Variants in SPIRE1 observed in about 807,000 individuals in gnomAD.
SPIRE1 encodes the protein spire type actin nucleation factor 1.
In SPIRE1, 40 loss-of-function variants were observed where a neutral mutation model predicts 94.1. That is an observed-to-expected ratio of 0.43 (90% CI 0.33 to 0.55). The LOEUF (loss-of-function observed/expected upper bound fraction) is 0.55, where lower values mean the gene tolerates loss of function less well. SPIRE1 is among the 20% of genes least tolerant of loss of function. SPIRE1 has a pLI of 0.06. For missense variants in SPIRE1, 838 were observed against 975.2 expected (o/e 0.86, Z 1.87); for synonymous variants, 376 against 371.7 (o/e 1.01, Z -0.13).
intron 1 of SPIRE1, among the ~76,000 whole-genome samples, chr18:12,648,845 G>A (rs2038295281): frequency 7.1e-6 from 1 of 139,980 alleles, no homozygotes; most frequent in Non-Finnish European, 1.5e-5. Flanking sequence ...AGCCAAGATC[G>A]CGCCATTGCA....
chr18:12,631,548 CAAAAAAAAAA>C (rs869278182), intron 2 of SPIRE1, among the ~76,000 whole-genome samples: 5 of 63,792 alleles, frequency 7.8e-5, no homozygotes, highest in Admixed American at 4.4e-4. Flanking sequence ...CCCATCTCTA[CAAAAAAAAAA>C]AAAAAAAAAA....
chr18:12,495,950 G>T, intron 7 of SPIRE1, 66 bp downstream of exon 7: 3 of 1,233,814 alleles, frequency 2.4e-6, no homozygotes, highest in South Asian at 2.5e-5. Context: ...TTCTAGAGAT[G>T]ACACCCTAGA....
In SPIRE1 at chr18:12,528,472, C is replaced by T. The variant is rs546498281; in HGVS notation, c.729+7004G>A. Among the ~76,000 whole-genome samples, 451 of 152,052 alleles carry T rather than the reference C, an allele frequency of 3.0e-3. 4 individuals carry two copies. Among genetic ancestry groups the T allele is most frequent in the South Asian group, 0.014 (69 of 4,796 alleles). On this transcript the variant is annotated intron_variant, in intron 4 of 16. Transcript: ENST00000409402. ...GGAGAAGCAGGCATTTTCTAGGTAG[C>T]GAAGAGGGGAAAGGGACATTTCAGG... is the stretch of plus-strand genomic sequence containing the variant.
chr18:12,466,238 G>A (rs754806155), intron 10 of SPIRE1, among the ~76,000 whole-genome samples: 8 of 151,914 alleles, frequency 5.3e-5, no homozygotes, highest in African/African-American at 1.5e-4. Flanking sequence ...AATACTATGC[G>A]AGATAAACAT....
chr18:12,577,283 G>T (rs1313982203), intron 2 of SPIRE1, among the ~76,000 whole-genome samples: 1 of 152,066 alleles, frequency 6.6e-6, no homozygotes, highest in South Asian at 2.1e-4. Flanking sequence ...CAGTAGCTGG[G>T]ACTACAGGCG....
At chr18:12,500,029 G>A (rs543926189) in intron 6 of SPIRE1, among the ~76,000 whole-genome samples, 1 of 152,274 alleles carries the variant, frequency 6.6e-6, no homozygotes, top group South Asian at 2.1e-4. Flanking sequence ...CTCAGAAACA[G>A]AAAACCAAAT....
intron 2 of SPIRE1, among the ~76,000 whole-genome samples, chr18:12,573,865 G>A (rs1419351050): frequency 3.9e-5 from 6 of 151,938 alleles, no homozygotes; most frequent in Non-Finnish European, 7.4e-5. Flanking sequence ...TCAGCCTCCC[G>A]AGTAGCTGGG....
chr18:12,463,124 A>C lies in SPIRE1; in HGVS notation c.1638+227T>G, dbSNP rs73403718. 0.011 allele frequency among the ~76,000 whole-genome samples: 1,709 copies of C among 151,374 alleles called. 35 individuals carry two copies. Among genetic ancestry groups the C allele is most frequent in the African/African-American group, 0.039 (1,614 of 41,190 alleles). ...ACAATGTTGCTCAGGCTGGTCTTGA[A>C]CTCCTGGAGTCAAGTAATCCTCCCA... On this transcript the variant is annotated intron_variant, in intron 12 of 16. Transcript: ENST00000409402.
At chr18:12,456,574 G>A (rs1482636813) in intron 12 of SPIRE1, among the ~76,000 whole-genome samples, 1 of 152,174 alleles carries the variant, frequency 6.6e-6, no homozygotes, top group East Asian at 1.9e-4. Context: ...CAAATAACCA[G>A]ATAGCCAGAT....
chr18:12,519,952 T>C (rs571754212), intron 4 of SPIRE1, among the ~76,000 whole-genome samples: 1 of 152,210 alleles, frequency 6.6e-6, no homozygotes, highest in Non-Finnish European at 1.5e-5. Flanking sequence ...CTTACACTTA[T>C]GTTCACACTC....
chr18:12,461,336 A>C (rs1479776847), intron 12 of SPIRE1, among the ~76,000 whole-genome samples: 1 of 152,128 alleles, frequency 6.6e-6, no homozygotes, highest in Non-Finnish European at 1.5e-5. Context: ...TTCTAGGAAA[A>C]GCTGAGTGAA....
chr18:12,520,880 T>C (rs960564099), intron 4 of SPIRE1, among the ~76,000 whole-genome samples: 1 of 152,182 alleles, frequency 6.6e-6, no homozygotes, highest in Non-Finnish European at 1.5e-5. Context: ...CTTGGGGCTT[T>C]TTCTTTGCAA....
intron 2 of SPIRE1, among the ~76,000 whole-genome samples, chr18:12,604,843 AG>A (rs1272816269): frequency 2.0e-5 from 3 of 152,222 alleles, no homozygotes; most frequent in Non-Finnish European, 4.4e-5. Context: ...AACAGGTAGA[AG>A]CAACCAGTTG....
intron 4 of SPIRE1, among the ~76,000 whole-genome samples, chr18:12,517,464 T>C (rs1004284841): frequency 1.1e-4 from 16 of 152,250 alleles, no homozygotes; most frequent in African/African-American, 3.1e-4. Context: ...AATGAGTTAT[T>C]TGAAAGTAAA....
intron 9 of SPIRE1, among the ~76,000 whole-genome samples, chr18:12,481,030 T>C (rs2032822543): frequency 6.6e-6 from 1 of 152,064 alleles, no homozygotes; most frequent in Admixed American, 6.6e-5. Flanking sequence ...CTGAGGTTAC[T>C]ATAAAAAACA....
At chr18:12,584,851 C>T (rs2036350927) in intron 2 of SPIRE1, among the ~76,000 whole-genome samples, 2 of 152,154 alleles carry the variant, frequency 1.3e-5, no homozygotes, top group South Asian at 2.1e-4. Flanking sequence ...GCGATCGCAG[C>T]TCACTGCAAC....
At chr18:12,610,629 C>T (rs1330798783) in intron 2 of SPIRE1, among the ~76,000 whole-genome samples, 1 of 152,118 alleles carries the variant, frequency 6.6e-6, no homozygotes, top group Non-Finnish European at 1.5e-5. Context: ...GAGTAAAACA[C>T]AGAAAACTAT....
chr18:12,527,243 C>T (rs972201596), intron 4 of SPIRE1, among the ~76,000 whole-genome samples: 1 of 152,188 alleles, frequency 6.6e-6, no homozygotes, highest in Admixed American at 6.5e-5. Context: ...TATTGTCTAT[C>T]ATTTGTACAA....
At chr18:12,581,892 T>C (rs2036267554) in intron 2 of SPIRE1, among the ~76,000 whole-genome samples, 1 of 152,102 alleles carries the variant, frequency 6.6e-6, no homozygotes. Context: ...GAGACTGTTG[T>C]TCTAAAATGC....
Sources: gnomAD v4.1 joint callset for allele counts (sites outside exome capture counted in the v4.1 genomes callset) on GRCh38, gnomAD v4.1.1 for gene constraint, MANE v1.5 for transcripts, NCBI Gene and HGNC (gene_info 2026-07-23, HGNC 2026-07-21) for gene names.